Variants in PDCD6IP observed in about 807,000 individuals in gnomAD.
PDCD6IP encodes the protein programmed cell death 6 interacting protein, also known as programmed cell death 6-interacting protein.
Under a neutral mutation model 103.7 loss-of-function variants are expected in PDCD6IP, and 43 were observed. The ratio of observed to expected loss-of-function variants is 0.41; its 90% CI spans 0.32 to 0.53. The LOEUF (loss-of-function observed/expected upper bound fraction) is 0.53, where lower values mean the gene tolerates loss of function less well. Ranked by LOEUF, PDCD6IP falls within the 20% of genes least tolerant of loss-of-function variation. The pLI, the probability that PDCD6IP is intolerant of heterozygous loss-of-function variation, is 0.16. For synonymous variants in PDCD6IP, 354 were observed against 378.7 expected, an observed-to-expected ratio of 0.93 and a Z score of 0.76; for missense variants, 871 against 1,036.7, an observed-to-expected ratio of 0.84 and a Z score of 2.20.
At chr3:33,838,565 G>C (rs112073618) in intron 9 of PDCD6IP, among the ~76,000 whole-genome samples, 6,714 of 141,678 alleles carry the variant, frequency 0.047, 200 homozygotes, top group South Asian at 0.081. Flanking sequence ...TATTTTAAGA[G>C]GTATTTATTT....
intron 15 of PDCD6IP, among the ~76,000 whole-genome samples, chr3:33,859,731 C>T (rs1026159773): frequency 6.6e-6 from 1 of 152,136 alleles, no homozygotes; most frequent in Non-Finnish European, 1.5e-5. Context: ...TGAGAATACC[C>T]AATGGTGCAA....
At chr3:33,805,049 C>T (rs1696561856) in intron 1 of PDCD6IP, among the ~76,000 whole-genome samples, 1 of 152,134 alleles carries the variant, frequency 6.6e-6, no homozygotes, top group South Asian at 2.1e-4. Flanking sequence ...CCCACACCTT[C>T]CCCTTAAATT....
rs3183987 is a variant in PDCD6IP, at chr3:33,866,453, A to G, written c.2535A>G (p.Pro845=). 447,956 of 1,609,236 alleles carry G rather than the reference A, an allele frequency of 0.28. 65,114 individuals carry two copies. Among genetic ancestry groups the G allele is most frequent in the Admixed American group, 0.46 (27,173 of 59,262 alleles). ...ATCACCAGAGTCCTGGACAGGCTCCATACCCGGGACCCCAGCAGCCTTCAT... is the reference window on the plus strand; with the variant it reads ...ATCACCAGAGTCCTGGACAGGCTCCGTACCCGGGACCCCAGCAGCCTTCAT... ...PVYHQSPGQA[P]YPGPQQPSYP... is the part of the protein sequence containing the mutation. Residue 845 remains proline (P), a synonymous_variant, in exon 18 of 18, where the codon CCA becomes CCG. Transcript: ENST00000307296.
chr3:33,821,533 A>G (rs967841535), intron 3 of PDCD6IP, among the ~76,000 whole-genome samples: 1 of 152,244 alleles, frequency 6.6e-6, no homozygotes, highest in Admixed American at 6.5e-5. Context: ...GCTAGGAGGT[A>G]ATTGCATTGA....
chr3:33,827,438 A>C (rs1697153312), intron 6 of PDCD6IP: 1 of 153,760 alleles, frequency 6.5e-6, no homozygotes, highest in South Asian at 2.1e-4. Context: ...GTAAAAATGC[A>C]CATAAGTGCA....
chr3:33,836,170 G>A lies in PDCD6IP; in HGVS notation c.961G>A (p.Asp321Asn). The change falls in exon 8 of 18, where the codon GAT becomes AAT. Residue 321 changes from aspartate to asparagine, a missense_variant. Around this residue, in one of 5 missense-constraint regions of PDCD6IP, gnomAD observed 242 missense variants for 250.7 expected, o/e 0.97. Coordinates refer to ENST00000307296, the MANE Select transcript of PDCD6IP (RefSeq NM_013374.6). ...GAAGGATAATGACTTCATTTATCATGATCGAGTTCCAGACCTTAAAGATCT... is the reference window on the plus strand; with the variant it reads ...GAAGGATAATGACTTCATTTATCATAATCGAGTTCCAGACCTTAAAGATCT... Reference protein sequence around the residue: ...AKKDNDFIYHDRVPDLKDLDP... With the variant: ...AKKDNDFIYHNRVPDLKDLDP... 1.2e-6 allele frequency: 2 copies of A among 1,612,874 alleles called. No homozygotes were observed. Among genetic ancestry groups the A allele is most frequent in the Non-Finnish European group, 1.7e-6 (2 of 1,178,866 alleles).
chr3:33,862,646 C>T (rs1042803444), intron 15 of PDCD6IP, among the ~76,000 whole-genome samples: 3 of 152,120 alleles, frequency 2.0e-5, no homozygotes, highest in South Asian at 2.1e-4. Context: ...AATATTTCAA[C>T]GCCACATTTC....
At chr3:33,863,845 C>T in intron 15 of PDCD6IP, 161 bp from the exon 16 acceptor site, 1 of 607,264 alleles carries the variant, frequency 1.6e-6, no homozygotes, top group South Asian at 2.2e-5. Flanking sequence ...TACTGTTTTC[C>T]ATAGTCACTG....
intron 3 of PDCD6IP, 88 bp from the exon 4 acceptor site, chr3:33,821,867 T>C: frequency 2.4e-6 from 3 of 1,256,572 alleles, no homozygotes; most frequent in Non-Finnish European, 3.3e-6. Context: ...GTCAGCGGGA[T>C]GAGAGAGGTC....
At chr3:33,826,394 A>G (rs1014492549) in intron 5 of PDCD6IP, 86 bp from the exon 6 acceptor site, 12 of 872,288 alleles carry the variant, frequency 1.4e-5, no homozygotes, top group Non-Finnish European at 1.9e-5. Context: ...AGATGCGTGT[A>G]CAAACTTGTG....
intron 7 of PDCD6IP, among the ~76,000 whole-genome samples, chr3:33,831,720 T>A (rs954307431): frequency 6.6e-6 from 1 of 151,360 alleles, no homozygotes; most frequent in African/African-American, 2.4e-5. Context: ...TAATTTCTTG[T>A]TTTTTTTCTT....
chr3:33,833,316 A>G (rs544523130), intron 7 of PDCD6IP, among the ~76,000 whole-genome samples: 303 of 152,136 alleles, frequency 2.0e-3, no homozygotes, highest in Non-Finnish European at 3.9e-3. Context: ...TGTTCAAATC[A>G]GGATCCACAC....
intron 15 of PDCD6IP, among the ~76,000 whole-genome samples, chr3:33,861,299 A>C (rs975862423): frequency 4.6e-5 from 7 of 152,048 alleles, no homozygotes; most frequent in African/African-American, 1.7e-4. Flanking sequence ...GCCCACCACC[A>C]AGCCCAGCTA....
chr3:33,814,729 T>C lies in PDCD6IP; in HGVS notation c.334+1101T>C, dbSNP rs1023079769. On this transcript the variant is annotated intron_variant, in intron 3 of 17. Coordinates refer to ENST00000307296, the MANE Select transcript of PDCD6IP (RefSeq NM_013374.6). ...TATGTATATATGTAAGTATATAATG[T>C]ATTATATACATATATGTATATATAC... Among the ~76,000 whole-genome samples the C allele has an allele frequency of 6.2e-4, 90 of 146,014 alleles. 1 individual carries two copies. The highest frequency in any genetic ancestry group is 1.1e-3 in the South Asian group (5 of 4,714).
rs777982205 is a variant in PDCD6IP, at chr3:33,852,556, G to T, written c.1710G>T (p.Glu570Asp). The stretch of plus-strand genomic sequence containing the variant: ...TAAAGAAGGAAAGAGAGGGTCTGGA[G>T]AATGACTTGAAATCTGTGAATTTTG... ...DEVKKEREGL[E>D]NDLKSVNFDM... is the part of the protein sequence containing the mutation. Residue 570 changes from glutamate (E) to aspartate (D), a missense_variant, in exon 13 of 18, where the codon GAG becomes GAT. Glu to Asp is a conservative substitution (Grantham distance 45). Around this residue, in one of 5 missense-constraint regions of PDCD6IP, gnomAD observed 266 missense variants for 390.5 expected, o/e 0.68. Transcript: ENST00000307296. The T allele has an allele frequency of 1.2e-5, 19 of 1,575,196 alleles. No individual in the cohort carries two copies. The South Asian group carries it at 1.9e-4, about 16-fold the overall frequency.
Position 33,798,957 on chromosome 3 carries a change from TG to T in PDCD6IP, c.209+23del, listed in dbSNP as rs1559766684. On this transcript the variant is annotated intron_variant, in intron 1 of 17. Transcript: ENST00000307296. ...CCTGAGGTGGGCGCGGGGCTGGGAGTGGGTAGGTTGTCTGCCAGCCGTCGCT... is the reference window on the plus strand; with the variant it reads ...CCTGAGGTGGGCGCGGGGCTGGGAGTGGTAGGTTGTCTGCCAGCCGTCGCT... The T allele has an allele frequency of 6.6e-7, 1 of 1,504,032 alleles. No individual in the cohort carries two copies. Among genetic ancestry groups the T allele is most frequent in the Non-Finnish European group, 9.0e-7 (1 of 1,116,714 alleles). The allele number at this position is 1,504,032 out of a possible 1,614,324, so 93.2% of individuals were successfully genotyped here. A position where few individuals can be genotyped will look rare whatever the true frequency, so the allele number is the denominator to read the frequency against.
At chr3:33,855,690 G>A (rs569309187) in intron 15 of PDCD6IP, among the ~76,000 whole-genome samples, 9 of 152,284 alleles carry the variant, frequency 5.9e-5, no homozygotes, top group Non-Finnish European at 1.2e-4. Flanking sequence ...GTTAACATAC[G>A]ACTCATTTCC....
At chr3:33,844,057 T>C in intron 10 of PDCD6IP, 55 bp from the exon 11 acceptor site, 2 of 1,067,198 alleles carry the variant, frequency 1.9e-6, no homozygotes, top group Admixed American at 4.3e-5. Flanking sequence ...TTAAATGTAT[T>C]AAAGTTTTTA....
At chr3:33,814,897 CAT>C (rs1306876414) in intron 3 of PDCD6IP, among the ~76,000 whole-genome samples, 9 of 145,092 alleles carry the variant, frequency 6.2e-5, no homozygotes, top group Admixed American at 4.2e-4. Context: ...TTCATGTACA[CAT>C]ATACATATAT....
Sources: gnomAD v4.1 joint callset for allele counts (sites outside exome capture counted in the v4.1 genomes callset) on GRCh38, gnomAD v4.1.1 for gene constraint, gnomAD v4.1.1 regional missense constraint, MANE v1.5 for transcripts, NCBI Gene and HGNC (gene_info 2026-07-23, HGNC 2026-07-21) for gene names.